Variants in ZNF639 observed in about 807,000 individuals in gnomAD.
ZNF639 encodes zinc finger amplified in esophageal squamous cell carcinomas 1.
Under a neutral mutation model 39.8 loss-of-function variants are expected in ZNF639, and 20 were observed. The observed-to-expected ratio is 0.50, with a 90% CI of 0.35 to 0.73. The LOEUF (loss-of-function observed/expected upper bound fraction) is 0.73. Ranked by LOEUF, ZNF639 falls within the 30% of genes least tolerant of loss-of-function variation. ZNF639 has a pLI of 0.00. For missense variants in ZNF639, 477 were observed against 566.2 expected (o/e 0.84, Z 1.60); for synonymous variants, 176 against 189.8 (o/e 0.93, Z 0.60).
At chr3:179,327,516 G>A (rs571766947) in intron 1 of ZNF639, 45 bp from the exon 2 acceptor site, 1 of 152,240 alleles carries the variant, frequency 6.6e-6, no homozygotes, top group East Asian at 1.9e-4. Context: ...TACCAGAAAT[G>A]AGCTGTATTT....
intron 1 of ZNF639, among the ~76,000 whole-genome samples, chr3:179,324,074 C>A (rs997510129): frequency 2.6e-5 from 4 of 152,062 alleles, no homozygotes; most frequent in Admixed American, 2.0e-4. Context: ...GTTTTTGTTT[C>A]AATTCTTTTA....
intron 3 of ZNF639, 103 bp from the exon 4 acceptor site, chr3:179,329,515 C>A: frequency 1.5e-6 from 1 of 665,864 alleles, no homozygotes; most frequent in South Asian, 1.9e-5. Context: ...ATTACAGATA[C>A]TATAATTAAC....
intron 4 of ZNF639, 134 bp from the exon 5 acceptor site, chr3:179,332,855 A>C (rs763082915): frequency 9.3e-5 from 118 of 1,270,026 alleles, no homozygotes; most frequent in Non-Finnish European, 8.0e-5. Context: ...TAGATAACTT[A>C]TCTTTTTATG....
Position 179,333,715 on chromosome 3 carries a change from C to T in ZNF639, c.751C>T (p.His251Tyr). Residue 251 changes from histidine to tyrosine, a missense_variant, in exon 6 of 6, where the codon CAT becomes TAT. Physicochemically the swap from His to Tyr is moderately conservative, Grantham distance 83. Transcript: ENST00000496856. The part of the protein sequence containing the change: ...SFSTNMLLIE[H>Y]AKLHEEDPYI... ...CTCTACCAATATGCTTCTGATAGAA[C>T]ATGCCAAACTGCATGAAGAGGATCC... 6.2e-7 allele frequency: 1 copy of T among 1,614,156 alleles called. No homozygotes were observed. The highest frequency in any genetic ancestry group is 8.5e-7 in the Non-Finnish European group (1 of 1,180,020).
At chr3:179,331,162 A>G (rs1727882487) in intron 4 of ZNF639, among the ~76,000 whole-genome samples, 1 of 152,248 alleles carries the variant, frequency 6.6e-6, no homozygotes, top group Admixed American at 6.5e-5. Flanking sequence ...GGGGTATGCC[A>G]AAGGGGCACA....
intron 1 of ZNF639, 136 bp downstream of exon 1, chr3:179,323,427 T>G (rs910508019): frequency 3.8e-5 from 37 of 971,962 alleles, no homozygotes; most frequent in Non-Finnish European, 4.2e-5. Context: ...CTTCGTTATA[T>G]GGCGGGATGG....
At chr3:179,332,450 C>T (rs1727970749) in intron 4 of ZNF639, among the ~76,000 whole-genome samples, 1 of 152,106 alleles carries the variant, frequency 6.6e-6, no homozygotes, top group Non-Finnish European at 1.5e-5. Flanking sequence ...TAGCAAGACC[C>T]CATCTCAAAA....
chr3:179,326,059 G>C (rs570348762), intron 1 of ZNF639, among the ~76,000 whole-genome samples: 1 of 151,946 alleles, frequency 6.6e-6, no homozygotes, highest in African/African-American at 2.4e-5. Context: ...GGCCGGGCGC[G>C]GTGCCTCGTG....
intron 4 of ZNF639, among the ~76,000 whole-genome samples, chr3:179,332,590 C>G (rs1221814199): frequency 6.6e-6 from 1 of 152,206 alleles, no homozygotes; most frequent in African/African-American, 2.4e-5. Context: ...CCAGTGTACT[C>G]CAGCCTTGGC....
In ZNF639 at chr3:179,323,048, C is replaced by T. The variant is rs1222164854; in HGVS notation, c.-326C>T. 6 of 984,932 alleles carry T rather than the reference C, an allele frequency of 6.1e-6. No homozygotes were observed. The highest frequency in any genetic ancestry group is 3.5e-5 in the African/African-American group (2 of 57,154). 61.0% of individuals were successfully genotyped at this position (984,932 alleles called of 1,614,324 possible). A position where few individuals can be genotyped will look rare whatever the true frequency, so the allele number is the denominator to read the frequency against. On this transcript the variant is annotated 5_prime_UTR_variant, in exon 1 of 6. Coordinates refer to ENST00000496856, the MANE Select transcript of ZNF639 (RefSeq NM_001303426.2). ...GGGCCCCTGAGGTGCGCGGCGCAGG[C>T]GCGGAGCGTGGCGGCCAGGGCAGTG...
At position 179,329,638 on chromosome 3, in the gene ZNF639, A is replaced by G. The variant is rs1408585804; in HGVS notation, c.79A>G (p.Ile27Val). ...TTCAGATTCCTCTGGAATAAGCAGA[A>G]TTGCAGATGGATTCAATGGAATTTT... Reference protein sequence around the residue: ...RYSDSSGISRIADGFNGIFSD... With the variant: ...RYSDSSGISRVADGFNGIFSD... Residue 27 changes from isoleucine (I) to valine (V), a missense_variant, in exon 4 of 6, where the codon ATT becomes GTT. Transcript: ENST00000496856. 1.2e-6 allele frequency: 2 copies of G among 1,606,660 alleles called. No homozygotes were observed. The highest frequency in any genetic ancestry group is 1.7e-5 in the Admixed American group (1 of 59,372).
At chr3:179,326,711 C>G (rs1306212497) in intron 1 of ZNF639, among the ~76,000 whole-genome samples, 2 of 151,566 alleles carry the variant, frequency 1.3e-5, no homozygotes, top group Non-Finnish European at 2.9e-5. Context: ...TGTAGCCCTC[C>G]GCCTCCCAGG....
chr3:179,326,166 A>G (rs2108493730), intron 1 of ZNF639, among the ~76,000 whole-genome samples: 1 of 152,254 alleles, frequency 6.6e-6, no homozygotes, highest in Admixed American at 6.5e-5. Context: ...CCCCGTCTCT[A>G]CTAAAAATAC....
chr3:179,333,402 G>C lies in ZNF639; in HGVS notation c.438G>C (p.Ala146=). 1 of 1,614,048 alleles carries C rather than the reference G, an allele frequency of 6.2e-7. No homozygotes were observed. Among genetic ancestry groups the C allele is most frequent in the Non-Finnish European group, 8.5e-7 (1 of 1,180,030 alleles). The change falls in exon 6 of 6, where the codon GCG becomes GCC. Residue 146 remains alanine, a synonymous_variant. Transcript: ENST00000496856. The part of the protein sequence containing the change: ...EDVPIAVEVH[A]ISEDYDIETE... ...TTCCAATTGCTGTAGAAGTGCATGC[G>C]ATTTCTGAGGATTATGATATAGAGA...
At position 179,334,545 on chromosome 3, in the gene ZNF639, A is replaced by G. The variant is rs193256025; in HGVS notation, c.*123A>G. On this transcript the variant is annotated 3_prime_UTR_variant, in exon 6 of 6. Coordinates refer to ENST00000496856, the MANE Select transcript of ZNF639 (RefSeq NM_001303426.2). ...TCTGCCTTTAACAAGTAACTTTTTT[A>G]AATTATAAAATTTTATTGGCATTGC... 7 of 661,394 alleles carry G rather than the reference A, an allele frequency of 1.1e-5. No homozygotes were observed. Among genetic ancestry groups the G allele is most frequent in the Non-Finnish European group, 1.4e-5 (6 of 440,738 alleles). The allele number at this position is 661,394 out of a possible 1,614,324, so 41.0% of individuals were successfully genotyped here.
intron 1 of ZNF639, among the ~76,000 whole-genome samples, chr3:179,323,608 G>A (rs3806687): frequency 0.26 from 39,754 of 152,062 alleles, 6,240 homozygotes; most frequent in Admixed American, 0.38. Context: ...GTGGCGCCGG[G>A]GTGGAGGCGG....
intron 5 of ZNF639, 33 bp from the exon 6 acceptor site, chr3:179,333,230 TTAGTTA>T: frequency 6.4e-7 from 1 of 1,561,236 alleles, no homozygotes; most frequent in South Asian, 1.2e-5. Flanking sequence ...CAGATCTTAT[TTAGTTA>T]TAGTCATATA....
rs759221313 is a variant in ZNF639 at position 179,334,097 on chromosome 3, T to G, written c.1133T>G (p.Val378Gly). ...DKCKNFFVCQ[V>G]CGFRSRLHTN... The stretch of plus-strand genomic sequence containing the variant: ...TGTAAAAACTTCTTTGTATGTCAAG[T>G]ATGTGGTTTTCGGAGTAGACTTCAC... Residue 378 changes from valine (V) to glycine (G), a missense_variant, in exon 6 of 6, where the codon GTA becomes GGA. Transcript: ENST00000496856. 1.5e-5 allele frequency: 25 copies of G among 1,613,782 alleles called. No individual in the cohort carries two copies. The highest frequency in any genetic ancestry group is 2.7e-5 in the African/African-American group (2 of 74,928).
rs35673654 is a variant in ZNF639 at position 179,335,774 on chromosome 3, CTTT to C, written c.*1367_*1369del. The stretch of plus-strand genomic sequence containing the variant: ...TGCAAGTCTGTCCCCCAAATTTCCT[CTTT>C]TTTTTTTTTTTTTTGCTTTTTTAAT... On this transcript the variant is annotated 3_prime_UTR_variant, in exon 6 of 6. Transcript: ENST00000496856. 1.2e-4 allele frequency: 15 copies of C among 128,610 alleles called. No individual in the cohort carries two copies. The highest frequency in any genetic ancestry group is 2.5e-4 in the South Asian group (1 of 4,040). 8.0% of individuals were successfully genotyped at this position (128,610 alleles called of 1,614,324 possible).
Sources: allele counts gnomAD v4.1 joint callset (sites outside exome capture counted in the v4.1 genomes callset), GRCh38; gene constraint gnomAD v4.1.1; transcripts MANE v1.5; gene names NCBI Gene and HGNC (gene_info 2026-07-23, HGNC 2026-07-21).